Variants in PGGT1B observed in about 807,000 individuals in gnomAD.
PGGT1B encodes the protein geranylgeranyl transferase type-1 subunit beta.
In PGGT1B, 30 loss-of-function variants were observed where a neutral mutation model predicts 46.1. The observed-to-expected ratio is 0.65, with a 90% confidence interval of 0.49 to 0.88. PGGT1B has a LOEUF of 0.88. PGGT1B is among the 40% of genes least tolerant of loss of function. The pLI is 0.00. For missense variants in PGGT1B, 376 were observed against 455.9 expected (o/e 0.82, Z 1.60); for synonymous variants, 170 against 160.0 (o/e 1.06, Z -0.47).
chr5:115,217,000 T>G, intron 7 of PGGT1B, 27 bp from the exon 8 acceptor site: 1 of 1,001,984 alleles, frequency 1.0e-6, no homozygotes, highest in South Asian at 1.3e-5. Flanking sequence ...AATAAAAATT[T>G]ACTGACATAA....
At chr5:115,221,794 A>C in intron 7 of PGGT1B, 30 bp downstream of exon 7, 8 of 1,385,744 alleles carry the variant, frequency 5.8e-6, no homozygotes, top group Non-Finnish European at 7.9e-6. Context: ...CACAGAATAT[A>C]GGTTTCTCAT....
intron 5 of PGGT1B, among the ~76,000 whole-genome samples, chr5:115,235,250 A>C (rs1324899978): frequency 6.6e-6 from 1 of 152,068 alleles, no homozygotes; most frequent in Non-Finnish European, 1.5e-5. Context: ...AAGAAACTGA[A>C]GTCCATAGAG....
chr5:115,256,332 T>A (rs972804991), intron 1 of PGGT1B, among the ~76,000 whole-genome samples: 3 of 152,212 alleles, frequency 2.0e-5, no homozygotes, highest in Admixed American at 2.0e-4. Flanking sequence ...CTTATCTGTA[T>A]ACGTTATCTG....
Position 115,212,488 on chromosome 5 carries a change from T to C in PGGT1B, c.1048A>G (p.Thr350Ala). 2.5e-6 allele frequency: 4 copies of C among 1,613,030 alleles called. No individual in the cohort carries two copies. The highest frequency in any genetic ancestry group is 3.4e-6 in the Non-Finnish European group (4 of 1,179,434). ...VHPALNVSTR[T>A]SERLLDLHQS... ...TGGAGATCTAGAAGGCGTTCAGAAG[T>C]CCGTGTGCTTACATTCAGAGCAGGA... Residue 350 changes from threonine (T) to alanine (A), a missense_variant, in exon 9 of 9, where the codon ACT becomes GCT. Physicochemically the swap from Thr to Ala is moderately conservative, Grantham distance 58 (BLOSUM62 0). Transcript: ENST00000419445.
chr5:115,253,252 C>A lies in PGGT1B; in HGVS notation c.144G>T (p.Leu48Phe). 1 of 1,570,658 alleles carries A rather than the reference C, an allele frequency of 6.4e-7. No homozygotes were observed. Residue 48 changes from leucine to phenylalanine, a missense_variant, in exon 2 of 9, where the codon TTG (leucine) becomes TTT (phenylalanine). Physicochemically the swap from Leu to Phe is conservative, Grantham distance 22. Around this residue, in one of 2 missense-constraint regions of PGGT1B, gnomAD observed 154 missense variants for 142.3 expected, o/e 1.08. Coordinates refer to ENST00000419445, the MANE Select transcript of PGGT1B (RefSeq NM_005023.4). ...CGGAGAGTGCAAAAAATGCAATTGT[C>A]AACCTAAAAGAAAAAAATGTAAAAT... ...ERYSSLETSR[L>F]TIAFFALSGL... is the part of the protein sequence containing the mutation.
At chr5:115,260,965 G>A (rs1466068786) in intron 1 of PGGT1B, among the ~76,000 whole-genome samples, 2 of 152,196 alleles carry the variant, frequency 1.3e-5, no homozygotes, top group Non-Finnish European at 2.9e-5. Context: ...CAGACTTATA[G>A]TGATAGCTGC....
chr5:115,253,107 C>T (rs1296010845), intron 2 of PGGT1B, 30 bp downstream of exon 2: 1 of 1,595,214 alleles, frequency 6.3e-7, no homozygotes, highest in African/African-American at 1.4e-5. Flanking sequence ...ACCAGTCACA[C>T]TAAAAATAAA....
intron 1 of PGGT1B, among the ~76,000 whole-genome samples, chr5:115,257,985 A>G (rs1561487908): frequency 1.3e-5 from 2 of 152,226 alleles, no homozygotes; most frequent in Admixed American, 1.3e-4. Flanking sequence ...TTTAAGCATT[A>G]TTCTTCATTT....
At chr5:115,250,364 G>T (rs1306393179) in intron 2 of PGGT1B, among the ~76,000 whole-genome samples, 1 of 152,224 alleles carries the variant, frequency 6.6e-6, no homozygotes, top group Non-Finnish European at 1.5e-5. Flanking sequence ...AGAGAAAAAA[G>T]TTGGAGAAGG....
intron 6 of PGGT1B, among the ~76,000 whole-genome samples, chr5:115,222,891 T>C (rs557684536): frequency 5.6e-4 from 86 of 152,292 alleles, no homozygotes; most frequent in African/African-American, 2.0e-3. Flanking sequence ...CACCGCATGT[T>C]CTCACTCATA....
At chr5:115,244,390 G>A (rs1250634350) in intron 2 of PGGT1B, among the ~76,000 whole-genome samples, 2 of 147,672 alleles carry the variant, frequency 1.4e-5, no homozygotes, top group East Asian at 4.1e-4. Flanking sequence ...GCATGAACCC[G>A]GGAGGCGGAG....
chr5:115,229,626 T>A (rs1253015900), intron 6 of PGGT1B, among the ~76,000 whole-genome samples: 2 of 152,088 alleles, frequency 1.3e-5, no homozygotes, highest in African/African-American at 2.4e-5. Flanking sequence ...GGAAATAATA[T>A]CAGCTGTCTC....
At chr5:115,248,267 A>G (rs1341054665) in intron 2 of PGGT1B, among the ~76,000 whole-genome samples, 1 of 152,208 alleles carries the variant, frequency 6.6e-6, no homozygotes, top group Non-Finnish European at 1.5e-5. Flanking sequence ...TGCATGGTAA[A>G]CAGAGCACCT....
At chr5:115,235,924 TTTTA>T (rs1757166688) in intron 5 of PGGT1B, among the ~76,000 whole-genome samples, 1 of 152,196 alleles carries the variant, frequency 6.6e-6, no homozygotes, top group African/African-American at 2.4e-5. Flanking sequence ...AATGCAGAAG[TTTTA>T]TTTCTCCTTT....
intron 8 of PGGT1B, among the ~76,000 whole-genome samples, chr5:115,214,792 T>C (rs1756361422): frequency 6.6e-6 from 1 of 152,198 alleles, no homozygotes; most frequent in Admixed American, 6.5e-5. Flanking sequence ...TAAGAGACTG[T>C]CATTTCCCTA....
At position 115,206,541 on chromosome 5, in the gene PGGT1B, C is replaced by A. The variant is rs1478653664; in HGVS notation, c.*5861G>T. ...CTATTTCTGGAATTCCTCTTCTGTT[C>A]CATTGGACTTCCTATTTATGTGCCA... On this transcript the variant is annotated 3_prime_UTR_variant, in exon 9 of 9. Transcript: ENST00000419445. 6.6e-6 allele frequency: 1 copy of A among 151,956 alleles called. No individual in the cohort carries two copies. The highest frequency in any genetic ancestry group is 1.5e-5 in the Non-Finnish European group (1 of 67,868). The allele number at this position is 151,956 out of a possible 1,614,324, so 9.4% of individuals were successfully genotyped here.
At chr5:115,250,677 A>C (rs1435191548) in intron 2 of PGGT1B, among the ~76,000 whole-genome samples, 1 of 152,186 alleles carries the variant, frequency 6.6e-6, no homozygotes, top group Non-Finnish European at 1.5e-5. Context: ...TATAATAAAC[A>C]TCAGAAAAGT....
intron 8 of PGGT1B, among the ~76,000 whole-genome samples, chr5:115,214,428 T>C (rs1248490683): frequency 6.6e-6 from 1 of 152,204 alleles, no homozygotes; most frequent in African/African-American, 2.4e-5. Flanking sequence ...AAGGTTATTC[T>C]TTTGAAGTTT....
chr5:115,254,942 G>T (rs1748250910), intron 1 of PGGT1B, among the ~76,000 whole-genome samples: 1 of 152,150 alleles, frequency 6.6e-6, no homozygotes, highest in Non-Finnish European at 1.5e-5. Context: ...ACTCCTTTAT[G>T]TGGGAAGCAG....
Sources: allele counts gnomAD v4.1 joint callset (sites outside exome capture counted in the v4.1 genomes callset), GRCh38; gene constraint gnomAD v4.1.1; regional missense constraint gnomAD v4.1.1; transcripts MANE v1.5; gene names NCBI Gene and HGNC (gene_info 2026-07-23, HGNC 2026-07-21).